XNDC1N: variants seen among roughly 807,000 people sequenced by gnomAD.
XNDC1N encodes XRCC1 N-terminal domain containing 1, N-terminal like, also known as protein XNDC1N.
chr11:71,885,587 T>C, the XNDC1N span, among the ~76,000 whole-genome samples: 1 of 152,170 alleles, frequency 6.6e-6, no homozygotes, highest in East Asian at 1.9e-4. Context: ...CCTACTGCGA[T>C]ATTGAACGTA....
the XNDC1N span, among the ~76,000 whole-genome samples, chr11:71,925,725 A>C: frequency 6.8e-6 from 1 of 147,520 alleles, no homozygotes; most frequent in South Asian, 2.1e-4. Context: ...TCAGGAGTAC[A>C]AAAAATTAGC....
the XNDC1N span, among the ~76,000 whole-genome samples, chr11:71,867,821 G>A: frequency 6.6e-6 from 1 of 152,174 alleles, no homozygotes; most frequent in Non-Finnish European, 1.5e-5. Context: ...CAAGTGTTGA[G>A]TTAGGGCCTA....
chr11:71,914,612 G>T, the XNDC1N span, among the ~76,000 whole-genome samples: 1 of 151,766 alleles, frequency 6.6e-6, no homozygotes, highest in Admixed American at 6.6e-5. Flanking sequence ...GCTTGAACCC[G>T]GGAGGCAGAG....
At chr11:71,873,987 C>T in the XNDC1N span, among the ~76,000 whole-genome samples, 3 of 152,130 alleles carry the variant, frequency 2.0e-5, no homozygotes, top group Admixed American at 6.6e-5. Context: ...GACAATGGTG[C>T]AATGACAGGG....
At chr11:71,870,588 A>G in the XNDC1N span, among the ~76,000 whole-genome samples, 4 of 152,224 alleles carry the variant, frequency 2.6e-5, no homozygotes. Context: ...AAAACAATTA[A>G]AGAGACAGTC....
chr11:71,881,104 T>A, the XNDC1N span, among the ~76,000 whole-genome samples: 1 of 152,220 alleles, frequency 6.6e-6, no homozygotes, highest in African/African-American at 2.4e-5. Flanking sequence ...ATGCTGAAAG[T>A]GGGGTATTGA....
chr11:71,913,346 G>A, the XNDC1N span, among the ~76,000 whole-genome samples: 2 of 152,044 alleles, frequency 1.3e-5, no homozygotes, highest in Non-Finnish European at 1.5e-5. Context: ...GATATTGGGA[G>A]TAAGATCATC....
the XNDC1N span, among the ~76,000 whole-genome samples, chr11:71,918,431 G>T: frequency 6.6e-6 from 1 of 152,068 alleles, no homozygotes; most frequent in South Asian, 2.1e-4. Context: ...ACAGGTGTGC[G>T]CCACCACACC....
chr11:71,902,176 GA>G, the XNDC1N span, among the ~76,000 whole-genome samples: 4,003 of 152,188 alleles, frequency 0.026, 184 homozygotes, highest in African/African-American at 0.092. Flanking sequence ...GCGTGACTTT[GA>G]CTTACTTGAT....
chr11:71,901,181 C>G, the XNDC1N span, among the ~76,000 whole-genome samples: 3 of 152,258 alleles, frequency 2.0e-5, no homozygotes, highest in South Asian at 6.2e-4. Flanking sequence ...TTCTGTACAG[C>G]TCTTGACTTC....
chr11:71,890,095 AG>A, the XNDC1N span, among the ~76,000 whole-genome samples: 1 of 152,196 alleles, frequency 6.6e-6, no homozygotes, highest in African/African-American at 2.4e-5. Flanking sequence ...TATCAAAAAT[AG>A]TACTATTGTT....
At chr11:71,887,277 C>CAG in the XNDC1N span, among the ~76,000 whole-genome samples, 54 of 152,314 alleles carry the variant, frequency 3.5e-4, no homozygotes, top group Middle Eastern at 3.4e-3. Flanking sequence ...GCTTGCCTTG[C>CAG]ACTTGTACTG....
chr11:71,888,810 C>A, the XNDC1N span, among the ~76,000 whole-genome samples: 5 of 152,238 alleles, frequency 3.3e-5, no homozygotes, highest in Non-Finnish European at 5.9e-5. Context: ...GACTACCAGA[C>A]TTTGCTCTGT....
chr11:71,921,283 G>A, the XNDC1N span, among the ~76,000 whole-genome samples: 1 of 152,154 alleles, frequency 6.6e-6, no homozygotes, highest in Non-Finnish European at 1.5e-5. Context: ...CTCCTGAGGA[G>A]CTGGGACTAC....
chr11:71,903,291 T>A, the XNDC1N span: 2 of 1,368,818 alleles, frequency 1.5e-6, no homozygotes, highest in Middle Eastern at 1.9e-4. Flanking sequence ...TTCCTGTCCA[T>A]GTGCCTGGTC....
the XNDC1N span, among the ~76,000 whole-genome samples, chr11:71,894,860 C>T: frequency 1.3e-5 from 2 of 149,128 alleles, no homozygotes; most frequent in Middle Eastern, 3.4e-3. Context: ...TTCAAGGTGA[C>T]GTTTCCAAGA....
the XNDC1N span, among the ~76,000 whole-genome samples, chr11:71,897,148 C>T: frequency 4.6e-5 from 7 of 152,206 alleles, no homozygotes; most frequent in African/African-American, 1.7e-4. Flanking sequence ...ATTGGCCACG[C>T]TTTCATGACA....
At chr11:71,869,212 C>T in the XNDC1N span, among the ~76,000 whole-genome samples, 2 of 151,968 alleles carry the variant, frequency 1.3e-5, no homozygotes, top group African/African-American at 2.4e-5. Context: ...TCCCACTACC[C>T]CATGACAGGC....
the XNDC1N span, among the ~76,000 whole-genome samples, chr11:71,925,616 T>C: frequency 6.6e-6 from 1 of 152,114 alleles, no homozygotes; most frequent in Admixed American, 6.6e-5. Flanking sequence ...TTTAGAGATA[T>C]AAAAATAATA....
Sources: gnomAD v4.1 joint callset for allele counts (sites outside exome capture counted in the v4.1 genomes callset) on GRCh38, gnomAD v4.1.1 for gene constraint, MANE v1.5 for transcripts, NCBI Gene and HGNC (gene_info 2026-07-23, HGNC 2026-07-21) for gene names.